RPIA: variants seen among roughly 807,000 people sequenced by gnomAD.
RPIA encodes ribose 5-phosphate isomerase A.
A neutral mutation model predicts 37.8 loss-of-function variants in RPIA; 29 were observed. That is an observed-to-expected ratio of 0.77 (90% CI 0.57 to 1.05). The LOEUF is 1.05. RPIA is among the 50% of genes least tolerant of loss of function. RPIA has a pLI of 0.00. For missense variants in RPIA, 385 were observed against 413.6 expected, an observed-to-expected ratio of 0.93 and a Z score of 0.60; for synonymous variants, 167 against 157.0, an observed-to-expected ratio of 1.06 and a Z score of -0.48.
chr2:88,742,835 T>A (rs972367192), intron 8 of RPIA, among the ~76,000 whole-genome samples: 1 of 152,158 alleles, frequency 6.6e-6, no homozygotes, highest in African/African-American at 2.4e-5. Context: ...CTTGATTTGA[T>A]TCTCTACATG....
At chr2:88,696,294 A>T (rs1672743825) in intron 1 of RPIA, among the ~76,000 whole-genome samples, 1 of 152,046 alleles carries the variant, frequency 6.6e-6, no homozygotes, top group Non-Finnish European at 1.5e-5. Context: ...CTGTAATCCC[A>T]GCACTTTGGG....
intron 3 of RPIA, among the ~76,000 whole-genome samples, chr2:88,720,843 C>G (rs991786830): frequency 6.6e-6 from 1 of 151,982 alleles, no homozygotes; most frequent in Non-Finnish European, 1.5e-5. Context: ...AATACCATTT[C>G]ACCCAGCAAT....
intron 3 of RPIA, among the ~76,000 whole-genome samples, chr2:88,713,121 T>TATATATATATA (rs58120689): frequency 1.4e-3 from 76 of 56,278 alleles, no homozygotes; most frequent in African/African-American, 4.3e-3. Context: ...TATATATATA[T>TATATATATATA]TTTTTTTTTT....
chr2:88,744,483 A>G (rs1343667510), intron 8 of RPIA, among the ~76,000 whole-genome samples: 1 of 152,192 alleles, frequency 6.6e-6, no homozygotes, highest in Non-Finnish European at 1.5e-5. Context: ...TCTTAGGCGG[A>G]AAGTTCTATA....
At chr2:88,735,638 A>G (rs774516377) in intron 5 of RPIA, 31 bp from the exon 6 acceptor site, 23 of 1,608,032 alleles carry the variant, frequency 1.4e-5, no homozygotes, top group Middle Eastern at 1.6e-4. Flanking sequence ...TTTTTGTCTT[A>G]CTCCTGTGTT....
At chr2:88,716,726 C>T (rs1372152945) in intron 3 of RPIA, among the ~76,000 whole-genome samples, 2 of 152,108 alleles carry the variant, frequency 1.3e-5, no homozygotes, top group African/African-American at 4.8e-5. Flanking sequence ...TAAGTTTAGC[C>T]AGATACAGTC....
At chr2:88,698,433 G>A in intron 1 of RPIA, 51 bp from the exon 2 acceptor site, 2 of 1,512,866 alleles carry the variant, frequency 1.3e-6, no homozygotes, top group Non-Finnish European at 1.8e-6. Flanking sequence ...TGACAAAGGA[G>A]TAAAATATGA....
intron 8 of RPIA, among the ~76,000 whole-genome samples, chr2:88,740,495 A>G (rs1203900487): frequency 1.3e-5 from 2 of 152,232 alleles, no homozygotes; most frequent in Non-Finnish European, 2.9e-5. Context: ...GGAGAATAGA[A>G]GTAGGGCGAG....
chr2:88,734,413 A>C (rs574468149), intron 4 of RPIA, 139 bp from the exon 5 acceptor site: 1 of 804,112 alleles, frequency 1.2e-6, no homozygotes, highest in South Asian at 1.4e-5. Flanking sequence ...CTTGTAGCTC[A>C]ATTTCTTGAT....
chr2:88,740,012 G>A (rs1181783038), intron 8 of RPIA, among the ~76,000 whole-genome samples: 1 of 152,322 alleles, frequency 6.6e-6, no homozygotes, highest in Admixed American at 6.5e-5. Flanking sequence ...TTCTTGGTTA[G>A]TGTTCCCTCT....
chr2:88,703,436 C>G (rs1672859404), intron 3 of RPIA, among the ~76,000 whole-genome samples: 1 of 152,230 alleles, frequency 6.6e-6, no homozygotes, highest in South Asian at 2.1e-4. Context: ...GTTCCCAAAC[C>G]TCAATTCTTG....
chr2:88,748,349 A>G (rs1673462876), intron 8 of RPIA, among the ~76,000 whole-genome samples: 1 of 152,090 alleles, frequency 6.6e-6, no homozygotes. Context: ...TAACATTATG[A>G]CTTAACTGGA....
chr2:88,713,122 T>TATATATATATA (rs60868319), intron 3 of RPIA, among the ~76,000 whole-genome samples: 1 of 42,596 alleles, frequency 2.3e-5, no homozygotes, highest in African/African-American at 9.8e-5. Context: ...ATATATATAT[T>TATATATATATA]TTTTTTTTTT....
In RPIA at chr2:88,691,771, G is replaced by C; in HGVS notation, c.73G>C (p.Ala25Pro). Residue 25 changes from alanine to proline, a missense_variant, in exon 1 of 9, where the codon GCG becomes CCG. This residue lies in a region of RPIA where 232 missense variants were observed against 203.0 expected (regional missense o/e 1.14). Transcript: ENST00000283646. ...CCCGCTGCCCGGGAGGGCCGGGGGC[G>C]CGGCCTCCGGCGGAGGAGGGAACAG... ...LAPLPGRAGG[A>P]ASGGGGNSWD... 7.5e-6 allele frequency: 12 copies of C among 1,590,486 alleles called. No individual in the cohort carries two copies. Among genetic ancestry groups the C allele is most frequent in the Non-Finnish European group, 1.0e-5 (12 of 1,172,666 alleles).
intron 3 of RPIA, among the ~76,000 whole-genome samples, chr2:88,705,444 C>A (rs1672885882): frequency 6.6e-6 from 1 of 152,060 alleles, no homozygotes; most frequent in African/African-American, 2.4e-5. Flanking sequence ...ACAAACCTGA[C>A]AAAAGCGATG....
At position 88,691,998 on chromosome 2, in the gene RPIA, A is replaced by ACGTGGGG. The variant is rs1261434438; in HGVS notation, c.285+18_285+24dup. ...ACCACGTGAGGGTGAGCACTTCGAA[A>ACGTGGGG]CGTGGGGCGCGGGGCGCATGTCCTT... On this transcript the variant is annotated intron_variant, in intron 1 of 8. Transcript: ENST00000283646. 1.3e-6 allele frequency: 2 copies of ACGTGGGG among 1,575,276 alleles called. No individual in the cohort carries two copies. Among genetic ancestry groups the ACGTGGGG allele is most frequent in the Admixed American group, 3.7e-5 (2 of 54,666 alleles).
intron 3 of RPIA, among the ~76,000 whole-genome samples, chr2:88,718,251 C>A (rs2104105418): frequency 6.6e-6 from 1 of 152,290 alleles, no homozygotes; most frequent in Middle Eastern, 3.4e-3. Context: ...TCTCTAGTTT[C>A]CCATTTTTAC....
intron 8 of RPIA, among the ~76,000 whole-genome samples, chr2:88,746,865 T>A (rs186086503): frequency 6.6e-6 from 1 of 152,294 alleles, no homozygotes; most frequent in Admixed American, 6.5e-5. Flanking sequence ...CGAGTTTCTG[T>A]AGTGGCTTGA....
intron 3 of RPIA, among the ~76,000 whole-genome samples, chr2:88,714,264 G>A (rs1673005402): frequency 1.3e-5 from 2 of 151,952 alleles, no homozygotes; most frequent in African/African-American, 4.8e-5. Flanking sequence ...TCCGCCTCCT[G>A]GGTTCAAGTG....
Sources: gnomAD v4.1 joint callset for allele counts (sites outside exome capture counted in the v4.1 genomes callset) on GRCh38, gnomAD v4.1.1 for gene constraint, gnomAD v4.1.1 regional missense constraint, MANE v1.5 for transcripts, NCBI Gene and HGNC (gene_info 2026-07-23, HGNC 2026-07-21) for gene names.